The following PDE4D variants were observed in gnomAD, a reference collection of about 807,000 sequenced individuals.
PDE4D encodes phosphodiesterase 4D, also known as 3',5'-cyclic-AMP phosphodiesterase 4D.
In PDE4D, 24 loss-of-function variants were observed where a neutral mutation model predicts 87.4. The ratio of observed to expected loss-of-function variants is 0.27; its 90% CI spans 0.20 to 0.39. The LOEUF (loss-of-function observed/expected upper bound fraction) is 0.39. PDE4D is among the 10% of genes least tolerant of loss of function. The probability of loss-of-function intolerance (pLI) is 1.00; values close to 1 mark genes in which losing one functional copy is unlikely to be tolerated. For synonymous variants in PDE4D, 384 were observed against 383.2 expected, an observed-to-expected ratio of 1.00 and a Z score of -0.02; for missense variants, 714 against 1,041.0, an observed-to-expected ratio of 0.69 and a Z score of 4.32.
At chr5:59,266,662 T>C (rs932065064) in intron 1 of PDE4D, among the ~76,000 whole-genome samples, 3 of 151,858 alleles carry the variant, frequency 2.0e-5, no homozygotes, top group Non-Finnish European at 1.5e-5. Flanking sequence ...TATACAAATC[T>C]TGGGGGGAAA....
chr5:58,974,524 TG>T lies in PDE4D; in HGVS notation c.*139del. The stretch of plus-strand genomic sequence containing the variant: ...GTTACGATATTCCTGAGCGCTGGAC[TG>T]AGTAGTCAAGGTCAGTTTTGTTCAA... On this transcript the variant is annotated 3_prime_UTR_variant, in exon 15 of 15. Transcript: ENST00000340635. The T allele has an allele frequency of 1.4e-6, 1 of 710,872 alleles. No homozygotes were observed. 44.0% of individuals were successfully genotyped at this position (710,872 alleles called of 1,614,324 possible).
chr5:59,242,101 A>C (rs1349746331), intron 1 of PDE4D, among the ~76,000 whole-genome samples: 1 of 152,136 alleles, frequency 6.6e-6, no homozygotes, highest in Non-Finnish European at 1.5e-5. Flanking sequence ...CATTTTTAAG[A>C]ACTCCATGGT....
At chr5:59,467,294 CTG>C (rs1300602367) in intron 1 of PDE4D, among the ~76,000 whole-genome samples, 3 of 152,116 alleles carry the variant, frequency 2.0e-5, no homozygotes, top group Admixed American at 6.5e-5. Context: ...ATAAACCAGT[CTG>C]TGTTCAAAGA....
At chr5:60,297,285 G>C (rs1753493469) in intron 1 of PDE4D, among the ~76,000 whole-genome samples, 4 of 152,094 alleles carry the variant, frequency 2.6e-5, no homozygotes, top group Admixed American at 2.6e-4. Context: ...GCCAAGTTTT[G>C]TGACATTAGA....
chr5:59,235,160 C>A (rs914354752), intron 1 of PDE4D, among the ~76,000 whole-genome samples: 1 of 152,150 alleles, frequency 6.6e-6, no homozygotes, highest in African/African-American at 2.4e-5. Context: ...ACTAATCCCA[C>A]GAAAGTATGT....
chr5:59,650,639 C>T (rs1743296238), intron 1 of PDE4D, among the ~76,000 whole-genome samples: 1 of 152,102 alleles, frequency 6.6e-6, no homozygotes, highest in African/African-American at 2.4e-5. Context: ...AATAAGTAAA[C>T]ATAACTTTAA....
intron 1 of PDE4D, among the ~76,000 whole-genome samples, chr5:59,451,551 G>C (rs1016740471): frequency 6.6e-6 from 1 of 152,118 alleles, no homozygotes; most frequent in Non-Finnish European, 1.5e-5. Context: ...ACTGTGATTA[G>C]AACCTCAGCT....
chr5:59,399,928 G>C (rs1212292812), intron 1 of PDE4D, among the ~76,000 whole-genome samples: 1 of 113,832 alleles, frequency 8.8e-6, no homozygotes, highest in African/African-American at 3.7e-5. Context: ...CGAAGGACAT[G>C]AACAGACACT....
Position 59,936,850 on chromosome 5 carries a change from CAAAAT to C in PDE4D, c.272+51633_272+51637del, listed in dbSNP as rs759120931. ...GCACAATGCATGTATCTTTTAATGACAAAATAAAGATAAGAATGGCTTAGAAAAAA... is the reference window on the plus strand; with the variant it reads ...GCACAATGCATGTATCTTTTAATGACAAAGATAAGAATGGCTTAGAAAAAA... On this transcript the variant is annotated intron_variant, in intron 3 of 16. Transcript: ENST00000502484. Among the ~76,000 whole-genome samples, 42 of 152,052 alleles carry C rather than the reference CAAAAT, an allele frequency of 2.8e-4. 1 individual carries two copies. Among genetic ancestry groups the C allele is most frequent in the Non-Finnish European group, 5.3e-4 (36 of 68,008 alleles).
At chr5:58,985,192 GGAGT>G (rs1486030674) in intron 11 of PDE4D, among the ~76,000 whole-genome samples, 1 of 152,124 alleles carries the variant, frequency 6.6e-6, no homozygotes, top group Non-Finnish European at 1.5e-5. Flanking sequence ...TGGGATTATA[GGAGT>G]GAGCCACTGC....
chr5:59,494,841 G>A (rs1806867950), intron 1 of PDE4D, among the ~76,000 whole-genome samples: 1 of 152,212 alleles, frequency 6.6e-6, no homozygotes, highest in East Asian at 1.9e-4. Flanking sequence ...CGGACTACAA[G>A]CTGAGCCCAA....
intron 2 of PDE4D, among the ~76,000 whole-genome samples, chr5:59,207,123 G>T (rs1054702451): frequency 3.3e-5 from 5 of 152,110 alleles, no homozygotes; most frequent in Admixed American, 6.5e-5. Context: ...GCTCAAGGCT[G>T]CAGTGAGCTG....
intron 2 of PDE4D, chr5:60,030,920 CA>C (rs1767175648): frequency 6.6e-6 from 1 of 152,178 alleles, no homozygotes; most frequent in Non-Finnish European, 1.5e-5. Context: ...ATCAAATCTA[CA>C]GATCAGTTGA....
At chr5:59,448,882 G>A (rs1271217475) in intron 1 of PDE4D, among the ~76,000 whole-genome samples, 6 of 152,096 alleles carry the variant, frequency 3.9e-5, no homozygotes, top group East Asian at 1.9e-4. Flanking sequence ...TGATCCTCCC[G>A]CCTTGGCCTC....
At position 59,193,563 on chromosome 5, in the gene PDE4D, A is replaced by G. The variant is rs754598583; in HGVS notation, c.648-27T>C. 10 of 1,611,578 alleles carry G rather than the reference A, an allele frequency of 6.2e-6. No individual in the cohort carries two copies. The Admixed American group carries it at 1.7e-4, about 27-fold the overall frequency. ...TGAAAAATAAACCAAATCCCGCATTAGAAATCATCAATAACTCTGTGCTCA... is the reference window on the plus strand; with the variant it reads ...TGAAAAATAAACCAAATCCCGCATTGGAAATCATCAATAACTCTGTGCTCA... On this transcript the variant is annotated intron_variant, in intron 2 of 14. Transcript: ENST00000340635.
At chr5:60,121,849 G>A (rs150138561) in intron 2 of PDE4D, among the ~76,000 whole-genome samples, 4,375 of 152,234 alleles carry the variant, frequency 0.029, 203 homozygotes, top group African/African-American at 0.1. Flanking sequence ...TCTCATCTGA[G>A]ACAAGGCAAG....
intron 1 of PDE4D, among the ~76,000 whole-genome samples, chr5:60,309,518 G>T (rs1424320578): frequency 1.3e-5 from 2 of 152,080 alleles, no homozygotes; most frequent in African/African-American, 4.8e-5. Flanking sequence ...TGGACACTTA[G>T]GCTTTTTCCC....
chr5:60,193,731 A>ATTT (rs1740849727), intron 1 of PDE4D, among the ~76,000 whole-genome samples: 1 of 151,078 alleles, frequency 6.6e-6, no homozygotes, highest in Non-Finnish European at 1.5e-5. Context: ...AGCTGTCACA[A>ATTT]TTTTCAAGAA....
intron 1 of PDE4D, among the ~76,000 whole-genome samples, chr5:59,799,761 T>C (rs774277131): frequency 5.9e-5 from 9 of 152,208 alleles, no homozygotes; most frequent in Non-Finnish European, 1.0e-4. Flanking sequence ...ATTTTGGCAA[T>C]GTGGTATCTA....
Sources: gnomAD v4.1 joint callset for allele counts (sites outside exome capture counted in the v4.1 genomes callset) on GRCh38, gnomAD v4.1.1 for gene constraint, MANE v1.5 for transcripts, NCBI Gene and HGNC (gene_info 2026-07-23, HGNC 2026-07-21) for gene names.